KLF15: variants seen among roughly 807,000 people sequenced by gnomAD.
The protein encoded by KLF15 is KLF transcription factor 15.
A neutral mutation model predicts 24.6 loss-of-function variants in KLF15; 4 were observed. That is an observed-to-expected ratio of 0.16 (90% CI 0.08 to 0.37). The LOEUF is 0.37. Among genes scored for constraint, KLF15 ranks in the 10% least tolerant of loss-of-function variants. KLF15 has a pLI of 1.00. For synonymous variants in KLF15, 246 were observed against 236.3 expected (o/e 1.04, Z -0.37); for missense variants, 496 against 560.6 (o/e 0.88, Z 1.16).
At chr3:126,317,869 G>A in the KLF15 span, among the ~76,000 whole-genome samples, 3 of 152,032 alleles carry the variant, frequency 2.0e-5, no homozygotes, top group Admixed American at 6.6e-5. Context: ...TCTGTCCCTC[G>A]GTCGGATTCT....
intron 1 of KLF15, chr3:126,354,318 G>A (rs555449911): frequency 6.6e-6 from 1 of 152,382 alleles, no homozygotes; most frequent in South Asian, 2.1e-4. Flanking sequence ...CAAAGTCAGA[G>A]GTTCTCTGCT....
At chr3:126,327,218 G>T in the KLF15 span, among the ~76,000 whole-genome samples, 1 of 152,172 alleles carries the variant, frequency 6.6e-6, no homozygotes. Context: ...CTTCTGGGAT[G>T]GAGTGGGGCT....
chr3:126,313,918 G>A, the KLF15 span, among the ~76,000 whole-genome samples: 4 of 152,134 alleles, frequency 2.6e-5, no homozygotes, highest in Non-Finnish European at 4.4e-5. Context: ...CTGCAAACCC[G>A]TCTACCATCT....
chr3:126,308,586 TGG>T, the KLF15 span, among the ~76,000 whole-genome samples: 4,034 of 152,250 alleles, frequency 0.026, 126 homozygotes, highest in African/African-American at 0.071. Flanking sequence ...TCTCTGTCTG[TGG>T]AAGTCATGGC....
the KLF15 span, among the ~76,000 whole-genome samples, chr3:126,331,235 C>T: frequency 6.6e-6 from 1 of 152,166 alleles, no homozygotes; most frequent in East Asian, 1.9e-4. Context: ...CATAAGAGGA[C>T]AGAGACCTAG....
the KLF15 span, among the ~76,000 whole-genome samples, chr3:126,336,526 A>T: frequency 2.6e-5 from 2 of 77,192 alleles, 1 homozygote; most frequent in East Asian, 6.1e-4. Flanking sequence ...CAAGGACTTC[A>T]TGTCCAAAAC....
chr3:126,324,805 T>C, the KLF15 span, among the ~76,000 whole-genome samples: 1 of 72,636 alleles, frequency 1.4e-5, no homozygotes, highest in Non-Finnish European at 2.7e-5. Context: ...TTTTTTTCGC[T>C]CTTTTTTTTT....
chr3:126,352,198 G>C lies in KLF15; in HGVS notation c.725C>G (p.Ala242Gly). Residue 242 changes from alanine (A) to glycine (G), a missense_variant, in exon 2 of 3, where the codon GCC becomes GGC. Physicochemically the swap from Ala to Gly is moderately conservative, Grantham distance 60 (BLOSUM62 0). Around this residue, in one of 3 missense-constraint regions of KLF15, gnomAD observed 399 missense variants for 423.1 expected, o/e 0.94. Transcript: ENST00000296233. Reference protein sequence around the residue: ...SGTGPASPGQAPENVKVAQLL... With the variant: ...SGTGPASPGQGPENVKVAQLL... ...CTGGGCAACCTTGACATTCTCTGGG[G>C]CTTGCCCAGGGGAGGCAGGCCCTGT... is the stretch of plus-strand genomic sequence containing the variant. 5 of 1,557,604 alleles carry C rather than the reference G, an allele frequency of 3.2e-6. No individual in the cohort carries two copies. The highest frequency in any genetic ancestry group is 4.3e-6 in the Non-Finnish European group (5 of 1,154,300).
the KLF15 span, among the ~76,000 whole-genome samples, chr3:126,294,405 G>A: frequency 2.0e-5 from 3 of 152,254 alleles, no homozygotes; most frequent in South Asian, 2.1e-4. Flanking sequence ...TGCCTCAGCC[G>A]TGCTCCCTGC....
At chr3:126,331,823 G>A in the KLF15 span, among the ~76,000 whole-genome samples, 1 of 152,216 alleles carries the variant, frequency 6.6e-6, no homozygotes, top group Non-Finnish European at 1.5e-5. Context: ...AAGGGGTCAG[G>A]GAGTTCCCTT....
the KLF15 span, among the ~76,000 whole-genome samples, chr3:126,318,995 C>T: frequency 6.6e-6 from 1 of 152,224 alleles, no homozygotes; most frequent in Non-Finnish European, 1.5e-5. Flanking sequence ...AACCACTGAT[C>T]TGTTTCCTGT....
rs969290820 is a variant in KLF15, at chr3:126,356,065, C to G, written c.-26+1172G>C. On this transcript the variant is annotated intron_variant, in intron 1 of 2. Coordinates refer to ENST00000296233, the MANE Select transcript of KLF15 (RefSeq NM_014079.4). This position sits in a 1 kb window ranked among gnomAD's most constrained non-coding sequence, Gnocchi z 4.4. Reference sequence around the variant, plus strand: ...CCCGGCCAGGCCTGCTGTTTATCCTCCCGGGGACACAGCGGCTGCAGGAAC... The same window carrying G: ...CCCGGCCAGGCCTGCTGTTTATCCTGCCGGGGACACAGCGGCTGCAGGAAC... Among the ~76,000 whole-genome samples the G allele has an allele frequency of 6.6e-6, 1 of 152,202 alleles. No homozygotes were observed. The highest frequency in any genetic ancestry group is 2.4e-5 in the African/African-American group (1 of 41,470).
chr3:126,316,408 A>G, the KLF15 span, among the ~76,000 whole-genome samples: 2 of 53,856 alleles, frequency 3.7e-5, no homozygotes, highest in African/African-American at 2.1e-4. Flanking sequence ...CTGGGCATCC[A>G]TGGGCCAGTG....
intron 2 of KLF15, among the ~76,000 whole-genome samples, chr3:126,344,658 C>T (rs537628094): frequency 2.0e-5 from 3 of 152,314 alleles, no homozygotes; most frequent in East Asian, 1.9e-4. Context: ...TGTACAGGAC[C>T]GCCCATCCGG....
the KLF15 span, among the ~76,000 whole-genome samples, chr3:126,307,219 C>T: frequency 2.8e-4 from 42 of 152,302 alleles, no homozygotes; most frequent in African/African-American, 7.9e-4. Flanking sequence ...TCCCCTCCCC[C>T]ACTCCCAAAG....
chr3:126,343,028 C>T lies in KLF15; in HGVS notation c.*699G>A, dbSNP rs1026909312. On this transcript the variant is annotated 3_prime_UTR_variant, in exon 3 of 3. Coordinates refer to ENST00000296233, the MANE Select transcript of KLF15 (RefSeq NM_014079.4). ...GGAAACCGGAGGAGGGGACGAGCCC[C>T]TGGGTACAGGCCCTTCTGGCTCTGT... 6.6e-6 allele frequency: 1 copy of T among 152,058 alleles called. No individual in the cohort carries two copies. The highest frequency in any genetic ancestry group is 1.5e-5 in the Non-Finnish European group (1 of 67,912). 9.4% of individuals were successfully genotyped at this position (152,058 alleles called of 1,614,324 possible).
intron 2 of KLF15, among the ~76,000 whole-genome samples, chr3:126,347,384 G>A (rs2082543370): frequency 6.6e-6 from 1 of 152,178 alleles, no homozygotes; most frequent in Non-Finnish European, 1.5e-5. Flanking sequence ...CATGAGAGCA[G>A]GCTGGGAGCC....
the KLF15 span, among the ~76,000 whole-genome samples, chr3:126,300,246 G>T: frequency 1.3e-5 from 2 of 152,146 alleles, no homozygotes; most frequent in Non-Finnish European, 2.9e-5. Flanking sequence ...GAGGCCATCC[G>T]ACCCCTGAGC....
the KLF15 span, among the ~76,000 whole-genome samples, chr3:126,301,353 G>A: frequency 6.6e-6 from 1 of 152,138 alleles, no homozygotes; most frequent in South Asian, 2.1e-4. Flanking sequence ...CTCCAGATTG[G>A]ACGGCTTCCC....
Sources: gnomAD v4.1 joint callset for allele counts (sites outside exome capture counted in the v4.1 genomes callset) on GRCh38, gnomAD v4.1.1 for gene constraint, gnomAD v4.1.1 regional missense constraint, Gnocchi (gnomAD v3.1) non-coding constraint, MANE v1.5 for transcripts, NCBI Gene and HGNC (gene_info 2026-07-23, HGNC 2026-07-21) for gene names.